The following YAE1 variants were observed in gnomAD, a reference collection of about 807,000 sequenced individuals.
YAE1 encodes the protein protein YAE1 homolog.
Under a neutral mutation model 23.0 loss-of-function variants are expected in YAE1, and 22 were observed. The ratio of observed to expected loss-of-function variants is 0.96; its 90% CI spans 0.68 to 1.37. The LOEUF is 1.37. Ranked by LOEUF, YAE1 falls within the 40% of genes most tolerant of loss-of-function variation. The probability of loss-of-function intolerance (pLI) is 0.00; values close to 1 mark genes in which losing one functional copy is unlikely to be tolerated. For missense variants in YAE1, 260 were observed against 262.1 expected, an observed-to-expected ratio of 0.99 and a Z score of 0.06; for synonymous variants, 101 against 97.0, an observed-to-expected ratio of 1.04 and a Z score of -0.24.
chr7:39,590,663 C>A (rs1304121089), intron 2 of YAE1, among the ~76,000 whole-genome samples: 1 of 152,114 alleles, frequency 6.6e-6, no homozygotes, highest in Non-Finnish European at 1.5e-5. Flanking sequence ...CCATTTTATA[C>A]ACTATTTTAA....
rs552877385 is a variant in YAE1, at chr7:39,567,539, G to T, written c.129+992G>T. Among the ~76,000 whole-genome samples the T allele has an allele frequency of 2.0e-5, 3 of 151,656 alleles. No individual in the cohort carries two copies. In the South Asian group the frequency reaches 6.2e-4, roughly 32 times the overall value. On this transcript the variant is annotated intron_variant, in intron 1 of 2. Coordinates refer to ENST00000223273, the MANE Select transcript of YAE1 (RefSeq NM_020192.5). The stretch of plus-strand genomic sequence containing the variant: ...CCACCCACACCATTCCAATCAGTTG[G>T]CAAGAGCCCAGATGTGTAATTTTCC...
At chr7:39,570,347 A>T in intron 1 of YAE1, 159 bp from the exon 2 acceptor site, 1 of 835,360 alleles carries the variant, frequency 1.2e-6, no homozygotes, top group Non-Finnish European at 1.9e-6. Context: ...AACTTAGGAG[A>T]AGCATAGTCT....
chr7:39,603,178 C>T (rs1263131511), intron 2 of YAE1, among the ~76,000 whole-genome samples: 1 of 152,012 alleles, frequency 6.6e-6, no homozygotes. Flanking sequence ...GAGACGGAGT[C>T]TCGCTCTGTC....
chr7:39,594,981 T>C lies in YAE1; in HGVS notation c.252-14636T>C, dbSNP rs1217312928. Among the ~76,000 whole-genome samples the C allele has an allele frequency of 2.0e-5, 3 of 152,214 alleles. No homozygotes were observed. In the East Asian group the frequency reaches 5.8e-4, roughly 29 times the overall value. On this transcript the variant is annotated intron_variant, in intron 2 of 2. Transcript: ENST00000432096. ...TATATATTTAAATAAACCTGATTGCTCCAGGTTATGATGTTACGCTTTGGT... is the reference window on the plus strand; with the variant it reads ...TATATATTTAAATAAACCTGATTGCCCCAGGTTATGATGTTACGCTTTGGT...
At chr7:39,594,539 T>A (rs1208098457) in intron 2 of YAE1, among the ~76,000 whole-genome samples, 1 of 152,174 alleles carries the variant, frequency 6.6e-6, no homozygotes, top group Admixed American at 6.6e-5. Flanking sequence ...GTTCAGAGTT[T>A]ATAAGTATTA....
intron 2 of YAE1, among the ~76,000 whole-genome samples, chr7:39,578,680 T>C (rs1790695337): frequency 6.6e-6 from 1 of 151,878 alleles, no homozygotes; most frequent in Non-Finnish European, 1.5e-5. Flanking sequence ...AGAAAGAAAC[T>C]CCGAACACGT....
At chr7:39,605,425 C>T (rs1462371170) in intron 2 of YAE1, among the ~76,000 whole-genome samples, 1 of 152,176 alleles carries the variant, frequency 6.6e-6, no homozygotes, top group East Asian at 1.9e-4. Context: ...AGCCCTTGTC[C>T]AAACAGTTGA....
At chr7:39,575,717 A>C (rs963803112), downstream of YAE1, among the ~76,000 whole-genome samples, 10 of 152,182 alleles carry the variant, frequency 6.6e-5, no homozygotes, top group African/African-American at 2.4e-4. Context: ...GCCTTTTCTG[A>C]ACAAACATGC....
chr7:39,608,703 T>G (rs1011383358), intron 2 of YAE1, among the ~76,000 whole-genome samples: 1 of 152,242 alleles, frequency 6.6e-6, no homozygotes, highest in African/African-American at 2.4e-5. Flanking sequence ...TTCTAGGATT[T>G]CATTCTATAT....
intron 2 of YAE1, among the ~76,000 whole-genome samples, chr7:39,609,113 G>A (rs1480552574): frequency 6.6e-6 from 1 of 152,170 alleles, no homozygotes; most frequent in African/African-American, 2.4e-5. Flanking sequence ...CCCCTTTAAT[G>A]TGCTATCCAA....
chr7:39,572,655 T>TA lies in YAE1; in HGVS notation c.633dup (p.Gln212ThrfsTer23). On this transcript the variant is annotated frameshift_variant, in exon 3 of 3. Coordinates refer to ENST00000223273, the MANE Select transcript of YAE1 (RefSeq NM_020192.5). LOFTEE classifies it high-confidence loss of function. Reference sequence around the variant, plus strand: ...TTTTGGAACAGACAGCCAGTTTAGTTAAACAGCTGGGCCTATCAGTAGATG... The same window carrying TA: ...TTTTGGAACAGACAGCCAGTTTAGTTAAAACAGCTGGGCCTATCAGTAGATG... 6.2e-7 allele frequency: 1 copy of TA among 1,613,202 alleles called. No individual in the cohort carries two copies. The highest frequency in any genetic ancestry group is 8.5e-7 in the Non-Finnish European group (1 of 1,179,662).
intron 2 of YAE1, among the ~76,000 whole-genome samples, chr7:39,602,522 G>A (rs966688326): frequency 2.0e-4 from 30 of 152,178 alleles, no homozygotes; most frequent in Admixed American, 3.9e-4. Context: ...AAATATTTTA[G>A]CACAATTACT....
chr7:39,585,612 ACTC>A (rs1264235364), intron 2 of YAE1, among the ~76,000 whole-genome samples: 3 of 151,882 alleles, frequency 2.0e-5, no homozygotes, highest in East Asian at 1.9e-4. Flanking sequence ...CTCATACACT[ACTC>A]CTCCAGATTC....
At chr7:39,580,353 G>A (rs1267538215) in intron 2 of YAE1, among the ~76,000 whole-genome samples, 2 of 152,196 alleles carry the variant, frequency 1.3e-5, no homozygotes, top group African/African-American at 4.8e-5. Flanking sequence ...GCATACTGCT[G>A]CAGATCTGCC....
At chr7:39,584,574 C>T (rs771888977) in intron 2 of YAE1, among the ~76,000 whole-genome samples, 3 of 152,100 alleles carry the variant, frequency 2.0e-5, no homozygotes, top group Non-Finnish European at 2.9e-5. Flanking sequence ...GTGCTGACCC[C>T]GATTGACTCC....
downstream of YAE1, among the ~76,000 whole-genome samples, chr7:39,611,025 G>A (rs1269724261): frequency 6.6e-6 from 1 of 152,088 alleles, no homozygotes; most frequent in East Asian, 1.9e-4. Context: ...GCGAGCACCT[G>A]TAATCCCAGC....
intron 1 of YAE1, among the ~76,000 whole-genome samples, chr7:39,567,819 G>C (rs747660740): frequency 1.3e-5 from 2 of 151,974 alleles, no homozygotes; most frequent in African/African-American, 4.8e-5. Context: ...AGAAAGAAGG[G>C]GACATTACAG....
Position 39,605,303 on chromosome 7 carries a change from C to A in YAE1, c.252-4314C>A, listed in dbSNP as rs570529334. ...TCATCTTGGCTGAGCCATAAAGTGC[C>A]CAAATAGTTGGTTAATTATTATTCT... On this transcript the variant is annotated intron_variant, in intron 2 of 2. Coordinates refer to the YAE1 transcript ENST00000432096. Among the ~76,000 whole-genome samples, 37 of 152,158 alleles carry A rather than the reference C, an allele frequency of 2.4e-4. No individual in the cohort carries two copies. The South Asian group carries it at 7.5e-3, about 31-fold the overall frequency.
At chr7:39,591,150 C>G (rs1790895783) in intron 2 of YAE1, among the ~76,000 whole-genome samples, 1 of 152,190 alleles carries the variant, frequency 6.6e-6, no homozygotes, top group Non-Finnish European at 1.5e-5. Context: ...TGTCCAAACT[C>G]CTCTTCTTAC....
Sources: gnomAD v4.1 joint callset for allele counts (sites outside exome capture counted in the v4.1 genomes callset) on GRCh38, gnomAD v4.1.1 for gene constraint, MANE v1.5 for transcripts, NCBI Gene and HGNC (gene_info 2026-07-23, HGNC 2026-07-21) for gene names.